Variants in CYBB observed in about 807,000 individuals in gnomAD.
CYBB encodes the protein cytochrome b-245 beta chain, also known as NADPH oxidase 2.
A neutral mutation model predicts 46.5 loss-of-function variants in CYBB; 5 were observed. The ratio of observed to expected loss-of-function variants is 0.11; its 90% CI spans 0.06 to 0.23. The LOEUF (loss-of-function observed/expected upper bound fraction) is 0.23. Among genes scored for constraint, CYBB ranks in the 10% least tolerant of loss-of-function variants. CYBB has a pLI of 1.00. For synonymous variants in CYBB, 183 were observed against 156.7 expected (o/e 1.17, Z -1.26); for missense variants, 307 against 428.3 (o/e 0.72, Z 2.50).
At chrX:37,780,668 C>A (rs1556464273) in intron 1 of CYBB, among the ~76,000 whole-genome samples, 1 of 109,487 alleles carries the variant, frequency 9.1e-6, no homozygotes, top group Non-Finnish European at 1.9e-5. Context: ...TTCAAAAGAA[C>A]AGAATTGAAA....
chrX:37,794,954 A>AT (rs1387876694), intron 5 of CYBB, among the ~76,000 whole-genome samples: 1 of 111,595 alleles, frequency 9.0e-6, no homozygotes, highest in Non-Finnish European at 1.9e-5. Context: ...TAAAAAACAG[A>AT]TTTTTTCTAC....
At chrX:37,791,940 A>C in intron 3 of CYBB, 35 bp from the exon 4 acceptor site, 1 of 1,075,406 alleles carries the variant, frequency 9.3e-7, no homozygotes, top group Non-Finnish European at 1.3e-6. Flanking sequence ...TCCTGTTAAC[A>C]ATTACTATTC....
intron 11 of CYBB, among the ~76,000 whole-genome samples, chrX:37,808,472 C>T (rs1369146789): frequency 8.9e-6 from 1 of 112,185 alleles, no homozygotes; most frequent in Non-Finnish European, 1.9e-5. Flanking sequence ...ACTGGGCATA[C>T]ATAGACATTG....
intron 7 of CYBB, among the ~76,000 whole-genome samples, 192 bp downstream of exon 7, chrX:37,799,276 A>G (rs1185419073): frequency 8.9e-6 from 1 of 112,069 alleles, no homozygotes; most frequent in Admixed American, 9.5e-5. Flanking sequence ...TAAGCTTTGC[A>G]TTGTTCTGTT....
intron 6 of CYBB, 53 bp downstream of exon 6, chrX:37,796,194 A>C: frequency 9.5e-7 from 1 of 1,054,643 alleles, no homozygotes; most frequent in Non-Finnish European, 1.3e-6. Context: ...ATTTCTAGGC[A>C]GGATGCTCCA....
In CYBB at chrX:37,793,685, C is replaced by G. The variant is rs2146810231; in HGVS notation, c.358C>G (p.Leu120Val). The change falls in exon 5 of 13, where the codon CTA becomes GTA. Residue 120 changes from leucine (L) to valine (V), a missense_variant. Physicochemically the swap from Leu to Val is conservative, Grantham distance 32. Coordinates refer to ENST00000378588, the MANE Select transcript of CYBB (RefSeq NM_000397.4). ...TTCAGCGATTCACACCATTGCACAT[C>G]TATTTAATGTGGAATGGTGTGTGAA... ...LHSAIHTIAH[L>V]FNVEWCVNAR... The G allele has an allele frequency of 8.3e-7, 1 of 1,207,731 alleles. No individual in the cohort carries two copies. Among genetic ancestry groups the G allele is most frequent in the East Asian group, 3.0e-5 (1 of 33,764 alleles).
rs1466127872 is a variant in CYBB at position 37,811,858 on chromosome X, G to A, written c.*941G>A. On this transcript the variant is annotated 3_prime_UTR_variant, in exon 13 of 13. Coordinates refer to ENST00000378588, the MANE Select transcript of CYBB (RefSeq NM_000397.4). ...GAAGCATGAAAAAAGAGGGTTGGAG[G>A]TGGAGAATTAACCTCCTGCCATGAC... The A allele has an allele frequency of 1.8e-5, 2 of 111,475 alleles. No homozygotes were observed. Among genetic ancestry groups the A allele is most frequent in the African/African-American group, 6.5e-5 (2 of 30,627 alleles). The allele number at this position is 111,475 out of a possible 1,213,427, so 9.2% of individuals were successfully genotyped here. A position where few individuals can be genotyped will look rare whatever the true frequency, so the allele number is the denominator to read the frequency against.
At chrX:37,792,913 G>A (rs1556467373) in intron 4 of CYBB, among the ~76,000 whole-genome samples, 3 of 109,793 alleles carry the variant, frequency 2.7e-5, no homozygotes, top group African/African-American at 9.9e-5. Flanking sequence ...GCACATATTT[G>A]CGTGCCAGAG....
chrX:37,781,811 A>C (rs1331133410), intron 1 of CYBB, among the ~76,000 whole-genome samples: 1 of 111,781 alleles, frequency 8.9e-6, no homozygotes, highest in Non-Finnish European at 1.9e-5. Flanking sequence ...AGAGGGGAAA[A>C]AAAGGGAGTG....
chrX:37,783,053 C>A (rs1389571172), intron 2 of CYBB, among the ~76,000 whole-genome samples: 1 of 111,166 alleles, frequency 9.0e-6, no homozygotes, highest in Non-Finnish European at 1.9e-5. Context: ...TGATACTTAA[C>A]TCTAGTTAAT....
chrX:37,811,756 G>A lies in CYBB; in HGVS notation c.*839G>A, dbSNP rs1929680230. The A allele has an allele frequency of 8.9e-6, 1 of 112,011 alleles. No homozygotes were observed. Among genetic ancestry groups the A allele is most frequent in the Non-Finnish European group, 1.9e-5 (1 of 53,173 alleles). The allele number at this position is 112,011 out of a possible 1,213,427, so 9.2% of individuals were successfully genotyped here. A position where few individuals can be genotyped will look rare whatever the true frequency, so the allele number is the denominator to read the frequency against. On this transcript the variant is annotated 3_prime_UTR_variant, in exon 13 of 13. Coordinates refer to ENST00000378588, the MANE Select transcript of CYBB (RefSeq NM_000397.4). ...TTACTGTCATAGACCAAAGGAATCT[G>A]ATTCTCCCTAGGGTCAAGAACAGGC...
chrX:37,785,924 C>T (rs1481306318), intron 3 of CYBB, among the ~76,000 whole-genome samples: 1 of 111,346 alleles, frequency 9.0e-6, no homozygotes, highest in Non-Finnish European at 1.9e-5. Flanking sequence ...TTTTATGCCT[C>T]CTGTGACCCA....
chrX:37,784,012 G>A (rs1929008360), intron 3 of CYBB, among the ~76,000 whole-genome samples: 1 of 111,628 alleles, frequency 9.0e-6, no homozygotes, highest in Non-Finnish European at 1.9e-5. Flanking sequence ...ATCTCAAGGA[G>A]ATGGAGTCAA....
chrX:37,798,578 T>C (rs1367092614), intron 6 of CYBB, among the ~76,000 whole-genome samples: 1 of 112,057 alleles, frequency 8.9e-6, no homozygotes, highest in South Asian at 3.7e-4. Flanking sequence ...GGTACCATTT[T>C]CTAATTTGCA....
At chrX:37,805,901 G>A (rs1556471467) in intron 10 of CYBB, among the ~76,000 whole-genome samples, 1 of 111,966 alleles carries the variant, frequency 8.9e-6, no homozygotes, top group Non-Finnish European at 1.9e-5. Flanking sequence ...ACTCTAATAG[G>A]GACATTAAGC....
chrX:37,784,358 G>A (rs1275954441), intron 3 of CYBB, among the ~76,000 whole-genome samples: 2 of 111,859 alleles, frequency 1.8e-5, no homozygotes, highest in Non-Finnish European at 3.8e-5. Context: ...AAGCAAGAGA[G>A]AAGTTGTGTC....
chrX:37,800,474 G>A (rs1440214251), intron 7 of CYBB, among the ~76,000 whole-genome samples: 2 of 111,167 alleles, frequency 1.8e-5, no homozygotes, highest in East Asian at 2.8e-4. Flanking sequence ...TGAGACTATC[G>A]GAAGCACTCT....
rs184831975 is a variant in CYBB at position 37,785,065 on chromosome X, A to G, written c.252+1465A>G. ...CATATAACATTCAATTTACTAATAT[A>G]GGACTAGAGGCTATAATTTAGCTTT... On this transcript the variant is annotated intron_variant, in intron 3 of 12. Transcript: ENST00000378588. Among the ~76,000 whole-genome samples the G allele has an allele frequency of 2.6e-3, 289 of 112,412 alleles. 1 individual carries two copies. Among genetic ancestry groups the G allele is most frequent in the African/African-American group, 8.2e-3 (255 of 30,954 alleles).
intron 12 of CYBB, among the ~76,000 whole-genome samples, chrX:37,810,387 C>T (rs1344792468): frequency 3.6e-5 from 4 of 112,039 alleles, no homozygotes; most frequent in African/African-American, 6.5e-5. Flanking sequence ...TTGAACAGGG[C>T]TTCAGACTCT....
Sources: gnomAD v4.1 joint callset for allele counts (sites outside exome capture counted in the v4.1 genomes callset) on GRCh38, gnomAD v4.1.1 for gene constraint, MANE v1.5 for transcripts, NCBI Gene and HGNC (gene_info 2026-07-23, HGNC 2026-07-21) for gene names.